Variants in WWC2 observed in about 807,000 individuals in gnomAD.
The protein encoded by WWC2 is protein WWC2.
A neutral mutation model predicts 138.5 loss-of-function variants in WWC2; 101 were observed. The observed-to-expected ratio is 0.73, with a 90% CI of 0.62 to 0.86. The LOEUF is 0.86. WWC2 is among the 40% of genes least tolerant of loss of function. The pLI, the probability that WWC2 is intolerant of heterozygous loss-of-function variation, is 0.00. For missense variants in WWC2, 1,420 were observed against 1,419.4 expected, an observed-to-expected ratio of 1.00 and a Z score of -0.01; for synonymous variants, 558 against 538.4, an observed-to-expected ratio of 1.04 and a Z score of -0.50.
intron 4 of WWC2, among the ~76,000 whole-genome samples, chr4:183,212,145 C>T (rs1185604853): frequency 6.6e-6 from 1 of 152,122 alleles, no homozygotes; most frequent in African/African-American, 2.4e-5. Context: ...AACACAAGTT[C>T]TTGCTGCCTT....
chr4:183,232,036 T>G (rs1476695193), intron 4 of WWC2, among the ~76,000 whole-genome samples: 1 of 152,134 alleles, frequency 6.6e-6, no homozygotes. Context: ...ATCCAGGTGA[T>G]GGAATGAAGA....
chr4:183,127,424 T>C (rs1299103834), intron 1 of WWC2, among the ~76,000 whole-genome samples: 1 of 152,152 alleles, frequency 6.6e-6, no homozygotes, highest in Non-Finnish European at 1.5e-5. Context: ...ATGTGGAATC[T>C]TTAAAAACAA....
In WWC2 at chr4:183,209,003, A is replaced by G; in HGVS notation, c.500A>G (p.Glu167Gly). ...TKYDPDILKA[E>G]ISTTRLRVKK... is the part of the protein sequence containing the mutation. The stretch of plus-strand genomic sequence containing the variant: ...TATGATCCCGATATTTTAAAAGCTG[A>G]GATCTCCACTACAAGATTAAGGGTA... Residue 167 changes from glutamate (E) to glycine (G), a missense_variant, in exon 4 of 23, where the codon GAG becomes GGG. Coordinates refer to ENST00000403733, the MANE Select transcript of WWC2 (RefSeq NM_024949.6). The G allele has an allele frequency of 6.4e-7, 1 of 1,573,402 alleles. No individual in the cohort carries two copies. Among genetic ancestry groups the G allele is most frequent in the Non-Finnish European group, 8.6e-7 (1 of 1,156,818 alleles).
chr4:183,167,101 A>G (rs893032102), intron 1 of WWC2, among the ~76,000 whole-genome samples: 1 of 152,220 alleles, frequency 6.6e-6, no homozygotes, highest in Non-Finnish European at 1.5e-5. Context: ...TGAACATGGG[A>G]CATCTCTGAG....
chr4:183,147,487 A>G (rs1490193763), intron 1 of WWC2, among the ~76,000 whole-genome samples: 4 of 152,246 alleles, frequency 2.6e-5, no homozygotes, highest in Non-Finnish European at 5.9e-5. Flanking sequence ...AGAAGCACTC[A>G]GATCACTCTG....
chr4:183,179,293 C>A (rs981964038), intron 1 of WWC2, among the ~76,000 whole-genome samples: 3 of 152,004 alleles, frequency 2.0e-5, no homozygotes, highest in South Asian at 4.1e-4. Context: ...TTAGCATTGT[C>A]TGCAGTATTT....
chr4:183,129,138 C>T (rs2111066528), intron 1 of WWC2, among the ~76,000 whole-genome samples: 1 of 152,238 alleles, frequency 6.6e-6, no homozygotes, highest in South Asian at 2.1e-4. Context: ...TGGAATATTG[C>T]ATTTGATTTA....
At chr4:183,104,918 T>A (rs1452660314) in intron 1 of WWC2, among the ~76,000 whole-genome samples, 1 of 152,196 alleles carries the variant, frequency 6.6e-6, no homozygotes, top group Admixed American at 6.5e-5. Flanking sequence ...TTTATTTATT[T>A]ATTTTTTGAG....
At chr4:183,111,927 G>A (rs988796579) in intron 1 of WWC2, among the ~76,000 whole-genome samples, 2 of 151,956 alleles carry the variant, frequency 1.3e-5, no homozygotes, top group African/African-American at 2.4e-5. Flanking sequence ...CCAACTCCTG[G>A]CCTCAAGCAT....
intron 1 of WWC2, among the ~76,000 whole-genome samples, chr4:183,146,794 G>A (rs2111107514): frequency 6.6e-6 from 1 of 152,350 alleles, no homozygotes; most frequent in South Asian, 2.1e-4. Context: ...ATGAGTTGGT[G>A]AAGCCAAAAG....
rs60297405 is a variant in WWC2, at chr4:183,303,408, C to A, written c.3385-8933C>A. The stretch of plus-strand genomic sequence containing the variant: ...CTCAGCCACCAAGGCAAACCTTGAC[C>A]CATATCCTAAGTTAATAACTAGGCA... On this transcript the variant is annotated intron_variant, in intron 21 of 22. Transcript: ENST00000403733. Among the ~76,000 whole-genome samples the A allele has an allele frequency of 3.5e-3, 539 of 152,240 alleles. 2 individuals carry two copies. The highest frequency in any genetic ancestry group is 0.012 in the African/African-American group (510 of 41,538).
chr4:183,145,164 C>T (rs1010016262), intron 1 of WWC2, among the ~76,000 whole-genome samples: 2 of 152,130 alleles, frequency 1.3e-5, no homozygotes, highest in Non-Finnish European at 2.9e-5. Flanking sequence ...ACTTTGTAGC[C>T]CTGTGGCAAG....
intron 4 of WWC2, among the ~76,000 whole-genome samples, chr4:183,217,846 A>T (rs1191482871): frequency 6.6e-6 from 1 of 152,176 alleles, no homozygotes; most frequent in East Asian, 1.9e-4. Flanking sequence ...GCAGGGGAGG[A>T]AATCACAACA....
chr4:183,172,005 G>A (rs1734303272), intron 1 of WWC2, among the ~76,000 whole-genome samples: 1 of 152,138 alleles, frequency 6.6e-6, no homozygotes. Context: ...CCTATCTGGT[G>A]TACTATGATT....
At position 183,272,160 on chromosome 4, in the gene WWC2, C is replaced by T. The variant is rs1328454202; in HGVS notation, c.2562+919C>T. ...AGTTTGTTTTAGATTATGAGGAAGG[C>T]ATTTCCTAAGCAGAAGTCAGATAAT... On this transcript the variant is annotated intron_variant, in intron 16 of 22. Coordinates refer to ENST00000403733, the MANE Select transcript of WWC2 (RefSeq NM_024949.6). Among the ~76,000 whole-genome samples, 3 of 152,272 alleles carry T rather than the reference C, an allele frequency of 2.0e-5. No individual in the cohort carries two copies. The South Asian group carries it at 6.2e-4, about 32-fold the overall frequency.
At chr4:183,306,876 T>C (rs756609896) in intron 21 of WWC2, among the ~76,000 whole-genome samples, 55 of 29,814 alleles carry the variant, frequency 1.8e-3, no homozygotes, top group Non-Finnish European at 3.7e-3. Flanking sequence ...CAACTATATA[T>C]GAGGCAAAAA....
chr4:183,248,864 A>G lies in WWC2; in HGVS notation c.879+4A>G, dbSNP rs756344952. 3.1e-6 allele frequency: 5 copies of G among 1,590,636 alleles called. No homozygotes were observed. The highest frequency in any genetic ancestry group is 4.3e-6 in the Non-Finnish European group (5 of 1,166,084). On this transcript the variant is annotated splice_donor_region_variant and intron_variant, in intron 7 of 22. Transcript: ENST00000403733. ...ACAAACAAGCATTTCCGGAGATGTA[A>G]GTTATCTGTGCTGAAGAGTTGGCCC...
intron 5 of WWC2, among the ~76,000 whole-genome samples, chr4:183,244,269 A>C (rs1450740752): frequency 6.6e-6 from 1 of 152,170 alleles, no homozygotes; most frequent in African/African-American, 2.4e-5. Context: ...GGACCAGGAG[A>C]GTGATCATGA....
chr4:183,219,309 G>A (rs181132838), intron 4 of WWC2, among the ~76,000 whole-genome samples: 4 of 152,174 alleles, frequency 2.6e-5, no homozygotes, highest in Admixed American at 1.3e-4. Flanking sequence ...TAAATGGTAA[G>A]TCTTAACATT....
Sources: gnomAD v4.1 joint callset for allele counts (sites outside exome capture counted in the v4.1 genomes callset) on GRCh38, gnomAD v4.1.1 for gene constraint, MANE v1.5 for transcripts, NCBI Gene and HGNC (gene_info 2026-07-23, HGNC 2026-07-21) for gene names.